The following PGR variants were observed in gnomAD, a reference collection of about 807,000 sequenced individuals.
The protein encoded by PGR is nuclear receptor subfamily 3 group C member 3.
PGR carries 25 observed loss-of-function variants against 76.1 expected under a neutral mutation model. That is an observed-to-expected ratio of 0.33 (90% CI 0.24 to 0.46). PGR has a LOEUF of 0.46. PGR is among the 20% of genes least tolerant of loss of function. The pLI is 1.00. For synonymous variants in PGR, 579 were observed against 535.0 expected (o/e 1.08, Z -1.14); for missense variants, 1,172 against 1,225.3 (o/e 0.96, Z 0.65).
Position 101,085,525 on chromosome 11 carries a change from T to TAAAAAA in PGR, c.1906+6229_1906+6234dup, listed in dbSNP as rs1212568882. Among the ~76,000 whole-genome samples the TAAAAAA allele has an allele frequency of 5.8e-3, 246 of 42,224 alleles. 5 individuals are homozygous for TAAAAAA. Among genetic ancestry groups the TAAAAAA allele is most frequent in the African/African-American group, 9.2e-3 (81 of 8,830 alleles). The allele number at this position is 42,224 out of a possible 152,430, so 27.7% of individuals were successfully genotyped here. A position where few individuals can be genotyped will look rare whatever the true frequency, so the allele number is the denominator to read the frequency against. ...GACCTAACATCACACCTAGAGGAAC[T>TAAAAAA]AAAAAAAAAAAAAAAAAAAAAAAAA... On this transcript the variant is annotated intron_variant, in intron 3 of 7. Coordinates refer to ENST00000325455, the MANE Select transcript of PGR (RefSeq NM_000926.4).
At position 101,033,141 on chromosome 11, in the gene PGR, A is replaced by T. The variant is rs1409545327; in HGVS notation, c.*5975T>A. On this transcript the variant is annotated 3_prime_UTR_variant, in exon 8 of 8. Coordinates refer to ENST00000325455, the MANE Select transcript of PGR (RefSeq NM_000926.4). ...TCAGAAAAGTTAAAATACACAGAAT[A>T]CTAAGATCAAAAGGAGATACTTTAC... 4.8e-6 allele frequency: 1 copy of T among 208,500 alleles called. No individual in the cohort carries two copies. Among genetic ancestry groups the T allele is most frequent in the Non-Finnish European group, 9.8e-6 (1 of 102,306 alleles). The allele number at this position is 208,500 out of a possible 1,614,324, so 12.9% of individuals were successfully genotyped here. A position where few individuals can be genotyped will look rare whatever the true frequency, so the allele number is the denominator to read the frequency against.
chr11:101,085,406 C>T (rs1406636011), intron 3 of PGR, among the ~76,000 whole-genome samples: 2 of 151,068 alleles, frequency 1.3e-5, no homozygotes, highest in African/African-American at 2.4e-5. Context: ...ACACAACATA[C>T]CAAAATCTCT....
At chr11:101,060,346 C>CTGA (rs991465800) in intron 4 of PGR, among the ~76,000 whole-genome samples, 3 of 152,132 alleles carry the variant, frequency 2.0e-5, no homozygotes, top group Non-Finnish European at 4.4e-5. Context: ...ACATGCAAAA[C>CTGA]TGATGACCAG....
intron 2 of PGR, among the ~76,000 whole-genome samples, chr11:101,102,000 C>T (rs1862010937): frequency 6.6e-6 from 1 of 151,950 alleles, no homozygotes; most frequent in African/African-American, 2.4e-5. Flanking sequence ...GTTTAACTGG[C>T]ATATAATTAT....
At position 101,035,248 on chromosome 11, in the gene PGR, T is replaced by A; in HGVS notation, c.*3868A>T. 4.4e-6 allele frequency: 1 copy of A among 225,240 alleles called. No homozygotes were observed. Among genetic ancestry groups the A allele is most frequent in the Middle Eastern group, 1.3e-3 (1 of 750 alleles). The allele number at this position is 225,240 out of a possible 1,614,324, so 14.0% of individuals were successfully genotyped here. A position where few individuals can be genotyped will look rare whatever the true frequency, so the allele number is the denominator to read the frequency against. On this transcript the variant is annotated 3_prime_UTR_variant, in exon 8 of 8. Transcript: ENST00000325455. Reference sequence around the variant, plus strand: ...ATCTTTAAATTTGAAAAAAAATGTATGTTTTGGCAAGTTTTGAATGCTTCT... The same window carrying A: ...ATCTTTAAATTTGAAAAAAAATGTAAGTTTTGGCAAGTTTTGAATGCTTCT...
chr11:101,092,151 T>G (rs1384652967), intron 2 of PGR, among the ~76,000 whole-genome samples: 1 of 152,220 alleles, frequency 6.6e-6, no homozygotes, highest in African/African-American at 2.4e-5. Context: ...ATCTTCTTAA[T>G]GGTGTCAGTA....
intron 2 of PGR, among the ~76,000 whole-genome samples, chr11:101,116,739 CA>C (rs11300466): frequency 0.4 from 28,022 of 69,470 alleles, 1,909 homozygotes; most frequent in Non-Finnish European, 0.43. Flanking sequence ...GATTCCACCT[CA>C]AAAAAAAAAA....
chr11:101,085,541 A>AAAAAAAAAAAAAC, intron 3 of PGR, among the ~76,000 whole-genome samples: 1 of 149,018 alleles, frequency 6.7e-6, no homozygotes, highest in African/African-American at 2.4e-5. Context: ...AAAAAAAAAA[A>AAAAAAAAAAAAAC]AAAAAAAAAC....
rs755770396 is a variant in PGR, at chr11:101,062,453, A to G, written c.2206T>C (p.Leu736=). ...ATATAAAAATTATTATTACCTGGCAATGATTTAGACCACTTGACTACTGAA... is the reference window on the plus strand; with the variant it reads ...ATATAAAAATTATTATTACCTGGCAGTGATTTAGACCACTTGACTACTGAA... ...LLSVVKWSKS[L]PGFRNLHIDD... The change falls in exon 4 of 8, where the codon TTG becomes CTG. Residue 736 remains leucine, a synonymous_variant. Coordinates refer to ENST00000325455, the MANE Select transcript of PGR (RefSeq NM_000926.4). The G allele has an allele frequency of 6.2e-7, 1 of 1,611,938 alleles. No individual in the cohort carries two copies. The highest frequency in any genetic ancestry group is 1.7e-5 in the Admixed American group (1 of 59,972).
In PGR at chr11:101,037,646, A is replaced by G. The variant is rs1242657976; in HGVS notation, c.*1470T>C. 1 of 225,930 alleles carries G rather than the reference A, an allele frequency of 4.4e-6. No individual in the cohort carries two copies. Among genetic ancestry groups the G allele is most frequent in the Non-Finnish European group, 8.8e-6 (1 of 113,568 alleles). The allele number at this position is 225,930 out of a possible 1,614,324, so 14.0% of individuals were successfully genotyped here. ...ATACACTTCTATTCTTCTATGTTAT[A>G]GTCAGTAAAGGGAGAGATCTCACAA... On this transcript the variant is annotated 3_prime_UTR_variant, in exon 8 of 8. Coordinates refer to ENST00000325455, the MANE Select transcript of PGR (RefSeq NM_000926.4).
At chr11:101,105,513 T>TA (rs1426137070) in intron 2 of PGR, among the ~76,000 whole-genome samples, 35 of 139,256 alleles carry the variant, frequency 2.5e-4, no homozygotes, top group Non-Finnish European at 4.7e-4. Flanking sequence ...TTTTTTTTTT[T>TA]AGAAATGAAG....
rs570089134 is a variant in PGR at position 101,125,005 on chromosome 11, G to C, written c.1789+1002C>G. Among the ~76,000 whole-genome samples, 9 of 152,014 alleles carry C rather than the reference G, an allele frequency of 5.9e-5. No homozygotes were observed. In the South Asian group the frequency reaches 1.9e-3, roughly 32 times the overall value. On this transcript the variant is annotated intron_variant, in intron 2 of 7. Transcript: ENST00000325455. ...ACCTGCTTTTCTGCTTGTAAGGAGA[G>C]GGCTGTTGAAACAAACAAACAAACA... is the stretch of plus-strand genomic sequence containing the variant.
At chr11:101,116,198 A>C (rs2135493817) in intron 2 of PGR, among the ~76,000 whole-genome samples, 1 of 152,316 alleles carries the variant, frequency 6.6e-6, no homozygotes, top group Admixed American at 6.5e-5. Context: ...TCTTGGCTCC[A>C]TCTAGTCAGG....
At chr11:101,084,097 T>A (rs637963) in intron 3 of PGR, among the ~76,000 whole-genome samples, 1 of 151,940 alleles carries the variant, frequency 6.6e-6, no homozygotes, top group African/African-American at 2.4e-5. Context: ...GTTGTCATGA[T>A]AGTGAGTGGG....
At position 101,039,017 on chromosome 11, in the gene PGR, C is replaced by T. The variant is rs1202835907; in HGVS notation, c.*99G>A. 9 of 841,416 alleles carry T rather than the reference C, an allele frequency of 1.1e-5. No homozygotes were observed. Among genetic ancestry groups the T allele is most frequent in the Non-Finnish European group, 1.6e-5 (8 of 514,498 alleles). 52.1% of individuals were successfully genotyped at this position (841,416 alleles called of 1,614,324 possible). ...ACACTATGATGTTATAAATGTAAGGCTTTCAGAAGAACATTATAAAAACTC... is the reference window on the plus strand; with the variant it reads ...ACACTATGATGTTATAAATGTAAGGTTTTCAGAAGAACATTATAAAAACTC... On this transcript the variant is annotated 3_prime_UTR_variant, in exon 8 of 8. Coordinates refer to ENST00000325455, the MANE Select transcript of PGR (RefSeq NM_000926.4).
chr11:101,084,029 T>C (rs576769001), intron 3 of PGR, among the ~76,000 whole-genome samples: 2 of 152,242 alleles, frequency 1.3e-5, no homozygotes, highest in African/African-American at 2.4e-5. Context: ...ATTCCCAATG[T>C]TGAGGGAGGA....
intron 3 of PGR, among the ~76,000 whole-genome samples, chr11:101,077,994 T>C (rs1861180134): frequency 6.6e-6 from 1 of 152,254 alleles, no homozygotes; most frequent in Non-Finnish European, 1.5e-5. Flanking sequence ...AGCAGGACTC[T>C]GTACTTCTAG....
chr11:101,123,347 T>A (rs1862736343), intron 2 of PGR, among the ~76,000 whole-genome samples: 1 of 152,210 alleles, frequency 6.6e-6, no homozygotes, highest in Non-Finnish European at 1.5e-5. Flanking sequence ...CATATTGGCA[T>A]CCACACACAG....
chr11:101,128,903 G>C lies in PGR; in HGVS notation c.168C>G (p.Asp56Glu). 6.2e-7 allele frequency: 1 copy of C among 1,613,956 alleles called. No individual in the cohort carries two copies. Among genetic ancestry groups the C allele is most frequent in the Non-Finnish European group, 8.5e-7 (1 of 1,180,000 alleles). The change falls in exon 1 of 8, where the codon GAC becomes GAG. Residue 56 changes from aspartate (D) to glutamate (E), a missense_variant. Transcript: ENST00000325455. ...GGCAGGGCCGAGGGAAGAGTAGCCC[G>C]TCCAGGGAGATAGGTATGGCCGAAA... ...PEVSAIPISL[D>E]GLLFPRPCQG...
Sources: gnomAD v4.1 joint callset for allele counts (sites outside exome capture counted in the v4.1 genomes callset) on GRCh38, gnomAD v4.1.1 for gene constraint, MANE v1.5 for transcripts, NCBI Gene and HGNC (gene_info 2026-07-23, HGNC 2026-07-21) for gene names.